The following ENTHD1 variants were observed in gnomAD, a reference collection of about 807,000 sequenced individuals.
ENTHD1 encodes the protein ENTH domain-containing protein 1.
In ENTHD1, 23 loss-of-function variants were observed where a neutral mutation model predicts 39.1. The ratio of observed to expected loss-of-function variants is 0.59; its 90% CI spans 0.42 to 0.83. The LOEUF (loss-of-function observed/expected upper bound fraction) is 0.83. Among genes scored for constraint, ENTHD1 ranks in the 40% least tolerant of loss-of-function variants. The pLI is 0.00. For missense variants in ENTHD1, 624 were observed against 705.4 expected (o/e 0.88, Z 1.31); for synonymous variants, 230 against 258.2 (o/e 0.89, Z 1.05).
chr22:39,813,793 T>C (rs1445750793), intron 5 of ENTHD1, among the ~76,000 whole-genome samples: 1 of 152,144 alleles, frequency 6.6e-6, no homozygotes, highest in Non-Finnish European at 1.5e-5. Context: ...GATTAAATGA[T>C]TTTCAACCTA....
intron 2 of ENTHD1, among the ~76,000 whole-genome samples, chr22:39,877,490 C>T (rs906376373): frequency 6.6e-5 from 10 of 152,154 alleles, no homozygotes; most frequent in African/African-American, 2.2e-4. Flanking sequence ...CAGGCAAATA[C>T]AGTACAGAGA....
At chr22:39,848,163 G>C (rs910716336) in intron 3 of ENTHD1, among the ~76,000 whole-genome samples, 1 of 152,058 alleles carries the variant, frequency 6.6e-6, no homozygotes, top group African/African-American at 2.4e-5. Flanking sequence ...CAACAATAGT[G>C]CTTCAAATCC....
chr22:39,815,739 A>G (rs563256928), intron 5 of ENTHD1, among the ~76,000 whole-genome samples: 9 of 152,244 alleles, frequency 5.9e-5, no homozygotes, highest in Non-Finnish European at 1.2e-4. Context: ...TAATGAGGAT[A>G]GTATTCCACA....
intron 5 of ENTHD1, among the ~76,000 whole-genome samples, chr22:39,799,469 C>G: frequency 6.6e-6 from 1 of 152,084 alleles, no homozygotes; most frequent in East Asian, 1.9e-4. Context: ...AGTAGGTACA[C>G]AGACACATTG....
chr22:39,773,254 G>T (rs930323799), intron 5 of ENTHD1, among the ~76,000 whole-genome samples: 1 of 152,020 alleles, frequency 6.6e-6, no homozygotes, highest in African/African-American at 2.4e-5. Flanking sequence ...TATCAGCGGG[G>T]ATCTAGAAGA....
intron 2 of ENTHD1, among the ~76,000 whole-genome samples, chr22:39,884,940 T>C (rs1048166030): frequency 2.6e-5 from 4 of 152,170 alleles, no homozygotes; most frequent in African/African-American, 9.7e-5. Flanking sequence ...TATTGGACAA[T>C]GGAGCCCATA....
chr22:39,822,548 T>C (rs2065791473), intron 4 of ENTHD1, among the ~76,000 whole-genome samples: 1 of 152,180 alleles, frequency 6.6e-6, no homozygotes, highest in Non-Finnish European at 1.5e-5. Context: ...CCTCCCTCCT[T>C]TCCTACCTAT....
intron 2 of ENTHD1, among the ~76,000 whole-genome samples, chr22:39,886,341 T>G (rs956034241): frequency 5.3e-5 from 8 of 152,168 alleles, no homozygotes; most frequent in African/African-American, 1.9e-4. Context: ...CACCATGCAT[T>G]TTTCAAAACC....
At chr22:39,786,731 ACT>A (rs1382038922) in intron 5 of ENTHD1, among the ~76,000 whole-genome samples, 1 of 151,630 alleles carries the variant, frequency 6.6e-6, no homozygotes, top group East Asian at 1.9e-4. Flanking sequence ...CCACCACACT[ACT>A]CTCTGCTTCT....
intron 6 of ENTHD1, among the ~76,000 whole-genome samples, chr22:39,760,405 G>A (rs1252747701): frequency 1.3e-5 from 2 of 151,848 alleles, no homozygotes. Context: ...AATAATCCTT[G>A]TCTTGAAGTC....
intron 3 of ENTHD1, among the ~76,000 whole-genome samples, chr22:39,855,455 C>T (rs945136458): frequency 6.6e-6 from 1 of 151,970 alleles, no homozygotes; most frequent in African/African-American, 2.4e-5. Context: ...TTTGTGGTCC[C>T]GAGCATTTAT....
chr22:39,751,937 C>T (rs1486708662), intron 6 of ENTHD1, among the ~76,000 whole-genome samples: 1 of 152,072 alleles, frequency 6.6e-6, no homozygotes, highest in Admixed American at 6.5e-5. Flanking sequence ...GTGTATAATA[C>T]ATGAGCCTTA....
chr22:39,850,949 T>C (rs1178302251), intron 3 of ENTHD1, among the ~76,000 whole-genome samples: 1 of 152,230 alleles, frequency 6.6e-6, no homozygotes, highest in Non-Finnish European at 1.5e-5. Flanking sequence ...TTCATTATTC[T>C]CTCTTGAATT....
chr22:39,882,339 G>T (rs1052280786), intron 2 of ENTHD1, among the ~76,000 whole-genome samples: 1 of 152,138 alleles, frequency 6.6e-6, no homozygotes, highest in Non-Finnish European at 1.5e-5. Context: ...AGGGAAAAAG[G>T]ATTCTGAGCT....
At chr22:39,848,347 G>A (rs997000210) in intron 3 of ENTHD1, among the ~76,000 whole-genome samples, 4 of 151,410 alleles carry the variant, frequency 2.6e-5, no homozygotes, top group African/African-American at 9.7e-5. Context: ...TCCGCCTCCT[G>A]GGTTCAAGTG....
intron 2 of ENTHD1, among the ~76,000 whole-genome samples, chr22:39,884,709 C>T (rs906463788): frequency 2.0e-5 from 3 of 152,152 alleles, no homozygotes; most frequent in Non-Finnish European, 4.4e-5. Context: ...TAAGCCCATA[C>T]ATCTTATTTG....
chr22:39,820,748 TA>T (rs2065776548), intron 5 of ENTHD1, among the ~76,000 whole-genome samples: 1 of 152,194 alleles, frequency 6.6e-6, no homozygotes, highest in African/African-American at 2.4e-5. Context: ...CTATTAAAAC[TA>T]CTTGTAAAAG....
chr22:39,810,407 C>T (rs981262958), intron 5 of ENTHD1, among the ~76,000 whole-genome samples: 1 of 152,176 alleles, frequency 6.6e-6, no homozygotes, highest in African/African-American at 2.4e-5. Flanking sequence ...TTTCCATGGT[C>T]TCAGAATGTA....
At chr22:39,812,025 A>AT (rs1555930040) in intron 5 of ENTHD1, among the ~76,000 whole-genome samples, 1 of 148,928 alleles carries the variant, frequency 6.7e-6, no homozygotes, top group Non-Finnish European at 1.5e-5. Context: ...CAAAAAAAAA[A>AT]CGACATAGAT....
Sources: gnomAD v4.1 joint callset for allele counts (sites outside exome capture counted in the v4.1 genomes callset) on GRCh38, gnomAD v4.1.1 for gene constraint, MANE v1.5 for transcripts, NCBI Gene and HGNC (gene_info 2026-07-23, HGNC 2026-07-21) for gene names.